Variants in LSAMP observed in about 807,000 individuals in gnomAD.
The protein encoded by LSAMP is limbic system-associated membrane protein.
A neutral mutation model predicts 38.6 loss-of-function variants in LSAMP; 7 were observed. The observed-to-expected ratio is 0.18, with a 90% confidence interval of 0.10 to 0.34. LSAMP has a LOEUF of 0.34. Among genes scored for constraint, LSAMP ranks in the 10% least tolerant of loss-of-function variants. LSAMP has a pLI of 1.00. For synonymous variants in LSAMP, 154 were observed against 166.8 expected, an observed-to-expected ratio of 0.92 and a Z score of 0.59; for missense variants, 313 against 420.0, an observed-to-expected ratio of 0.75 and a Z score of 2.23.
intron 1 of LSAMP, among the ~76,000 whole-genome samples, chr3:116,088,399 A>G (rs1201072565): frequency 6.6e-6 from 1 of 152,112 alleles, no homozygotes; most frequent in Non-Finnish European, 1.5e-5. Flanking sequence ...AACTTCATGA[A>G]TGCTTGCTGC....
intron 1 of LSAMP, among the ~76,000 whole-genome samples, chr3:116,233,537 T>C (rs2046429455): frequency 6.6e-6 from 1 of 151,992 alleles, no homozygotes; most frequent in Admixed American, 6.6e-5. Context: ...CTGTAAATTA[T>C]AGTCACCACA....
rs71141862 is a variant in LSAMP at position 116,221,150 on chromosome 3, C to CAAAAAAAAAAA, written c.156-134605_156-134595dup. ...TGTGTGACAGAGCGAGACTCTGTCTCAAAAAAAAAAAAAAAAAAAAGGAAA... is the reference window on the plus strand; with the variant it reads ...TGTGTGACAGAGCGAGACTCTGTCTCAAAAAAAAAAAAAAAAAAAAAAAAAAAAAAAGGAAA... On this transcript the variant is annotated intron_variant, in intron 1 of 6. Transcript: ENST00000490035. Among the ~76,000 whole-genome samples the CAAAAAAAAAAA allele has an allele frequency of 1.0e-2, 529 of 53,100 alleles. 79 individuals are homozygous for CAAAAAAAAAAA. The highest frequency in any genetic ancestry group is 0.053 in the Middle Eastern group (2 of 38). 34.8% of individuals were successfully genotyped at this position (53,100 alleles called of 152,430 possible).
intron 1 of LSAMP, among the ~76,000 whole-genome samples, chr3:116,142,550 A>G (rs1709393594): frequency 6.6e-6 from 1 of 152,032 alleles, no homozygotes; most frequent in South Asian, 2.1e-4. Context: ...ATAATGACAG[A>G]CCATTCATTT....
intron 1 of LSAMP, among the ~76,000 whole-genome samples, chr3:116,345,227 G>C (rs2048049978): frequency 6.6e-6 from 1 of 152,146 alleles, no homozygotes; most frequent in Non-Finnish European, 1.5e-5. Flanking sequence ...ATTTATTAAA[G>C]AAAGAAAATG....
intron 3 of LSAMP, among the ~76,000 whole-genome samples, chr3:115,867,156 A>G (rs548664164): frequency 6.6e-6 from 1 of 151,988 alleles, no homozygotes; most frequent in South Asian, 2.1e-4. Flanking sequence ...GGTCTTTTAA[A>G]CTTGTTGAAT....
intron 1 of LSAMP, among the ~76,000 whole-genome samples, chr3:116,287,845 A>C: frequency 6.6e-6 from 1 of 152,054 alleles, no homozygotes; most frequent in East Asian, 1.9e-4. Context: ...GTTTGCCCTC[A>C]ACAAGAAGTG....
chr3:115,879,108 G>A (rs1936259444), intron 3 of LSAMP, among the ~76,000 whole-genome samples: 1 of 152,082 alleles, frequency 6.6e-6, no homozygotes, highest in Non-Finnish European at 1.5e-5. Flanking sequence ...TCAAGTTTAT[G>A]TCATTATTAC....
At chr3:116,194,914 A>T (rs1436645467) in intron 1 of LSAMP, among the ~76,000 whole-genome samples, 1 of 152,246 alleles carries the variant, frequency 6.6e-6, no homozygotes, top group Non-Finnish European at 1.5e-5. Flanking sequence ...ATACACTTCC[A>T]TGCTGGTCCT....
At chr3:116,154,243 TGAG>T (rs1355536649) in intron 1 of LSAMP, among the ~76,000 whole-genome samples, 2 of 152,152 alleles carry the variant, frequency 1.3e-5, no homozygotes, top group Non-Finnish European at 2.9e-5. Context: ...TGGCCTGTCT[TGAG>T]GAGCTGCAAG....
intron 2 of LSAMP, among the ~76,000 whole-genome samples, chr3:116,079,593 C>T (rs1707827846): frequency 1.4e-5 from 2 of 143,346 alleles, no homozygotes; most frequent in African/African-American, 2.6e-5. Flanking sequence ...AATCAGGCCA[C>T]TGCGCTCCAG....
At position 116,301,335 on chromosome 3, in the gene LSAMP, C is replaced by T. The variant is rs762573343; in HGVS notation, c.155+143542G>A. ...AAACTTATTGTTAATACAACTGACACTGAATTTAGGAGAAAGATTAATTCA... is the reference window on the plus strand; with the variant it reads ...AAACTTATTGTTAATACAACTGACATTGAATTTAGGAGAAAGATTAATTCA... On this transcript the variant is annotated intron_variant, in intron 1 of 6. Coordinates refer to ENST00000490035, the MANE Select transcript of LSAMP (RefSeq NM_002338.5). Among the ~76,000 whole-genome samples, 124 of 152,112 alleles carry T rather than the reference C, an allele frequency of 8.2e-4. 4 individuals are homozygous for T. The highest frequency in any genetic ancestry group is 2.9e-4 in the Non-Finnish European group (20 of 68,022).
Position 116,013,545 on chromosome 3 carries a change from A to G in LSAMP, c.514+5970T>C, listed in dbSNP as rs376405866. Among the ~76,000 whole-genome samples, 4 of 152,188 alleles carry G rather than the reference A, an allele frequency of 2.6e-5. No homozygotes were observed. In the South Asian group the frequency reaches 8.3e-4, roughly 32 times the overall value. On this transcript the variant is annotated intron_variant, in intron 3 of 6. Coordinates refer to ENST00000490035, the MANE Select transcript of LSAMP (RefSeq NM_002338.5). Reference sequence around the variant, plus strand: ...CTGAGACTATACTGGGAAAGTATATAACTTTCTCTGTGAGTGTATGTGTGT... The same window carrying G: ...CTGAGACTATACTGGGAAAGTATATGACTTTCTCTGTGAGTGTATGTGTGT...
chr3:116,116,310 C>T lies in LSAMP; in HGVS notation c.156-29754G>A, dbSNP rs56340548. On this transcript the variant is annotated intron_variant, in intron 1 of 6. Coordinates refer to ENST00000490035, the MANE Select transcript of LSAMP (RefSeq NM_002338.5). ...TTCTGCTCAAATCCTTCTTTTTCTGCAAGTTGTCATTATCATTTGTTTATT... is the reference window on the plus strand; with the variant it reads ...TTCTGCTCAAATCCTTCTTTTTCTGTAAGTTGTCATTATCATTTGTTTATT... 2.6e-3 allele frequency among the ~76,000 whole-genome samples: 391 copies of T among 151,780 alleles called. 4 individuals carry two copies. The highest frequency in any genetic ancestry group is 9.0e-3 in the African/African-American group (371 of 41,434).
At chr3:115,874,730 A>G (rs767784695) in intron 3 of LSAMP, among the ~76,000 whole-genome samples, 3 of 152,140 alleles carry the variant, frequency 2.0e-5, no homozygotes, top group Non-Finnish European at 4.4e-5. Flanking sequence ...AGCCTAAGTT[A>G]TAACTCTATT....
At chr3:116,425,728 T>C (rs1427626761) in intron 1 of LSAMP, among the ~76,000 whole-genome samples, 2 of 151,836 alleles carry the variant, frequency 1.3e-5, no homozygotes, top group Non-Finnish European at 2.9e-5. Context: ...TGATACTGCC[T>C]ATAAGTCCAT....
chr3:115,931,963 C>T (rs569251112), intron 3 of LSAMP, among the ~76,000 whole-genome samples: 33 of 152,086 alleles, frequency 2.2e-4, no homozygotes, highest in Non-Finnish European at 3.4e-4. Flanking sequence ...TTGAGCTGGG[C>T]GATGTGGGGG....
intron 1 of LSAMP, among the ~76,000 whole-genome samples, chr3:116,258,184 C>T (rs1576464672): frequency 1.3e-5 from 2 of 152,054 alleles, no homozygotes; most frequent in Non-Finnish European, 2.9e-5. Context: ...AATTTAACAC[C>T]ATTGCCTTTC....
At chr3:116,386,132 C>T (rs2048623322) in intron 1 of LSAMP, among the ~76,000 whole-genome samples, 3 of 152,008 alleles carry the variant, frequency 2.0e-5, no homozygotes, top group Non-Finnish European at 4.4e-5. Flanking sequence ...GGTTTGCAAC[C>T]CAGATCTGCT....
intron 6 of LSAMP, among the ~76,000 whole-genome samples, chr3:115,820,585 A>G (rs1404307525): frequency 6.6e-6 from 1 of 152,226 alleles, no homozygotes; most frequent in African/African-American, 2.4e-5. Flanking sequence ...CATTACACCC[A>G]GCCACATTAG....
Sources: gnomAD v4.1 joint callset for allele counts (sites outside exome capture counted in the v4.1 genomes callset) on GRCh38, gnomAD v4.1.1 for gene constraint, MANE v1.5 for transcripts, NCBI Gene and HGNC (gene_info 2026-07-23, HGNC 2026-07-21) for gene names.